The following EYA1 variants were observed in gnomAD, a reference collection of about 807,000 sequenced individuals.
EYA1 encodes protein phosphatase EYA1.
EYA1 carries 16 observed loss-of-function variants against 82.0 expected under a neutral mutation model. The observed-to-expected ratio is 0.20, with a 90% CI of 0.13 to 0.30. The LOEUF is 0.30. EYA1 is among the 10% of genes least tolerant of loss of function. The probability of loss-of-function intolerance (pLI) is 1.00; values close to 1 mark genes in which losing one functional copy is unlikely to be tolerated. For synonymous variants in EYA1, 261 were observed against 264.4 expected (o/e 0.99, Z 0.12); for missense variants, 633 against 730.7 (o/e 0.87, Z 1.54).
chr8:71,320,920 T>C (rs766214835), intron 6 of EYA1, among the ~76,000 whole-genome samples: 116 of 152,170 alleles, frequency 7.6e-4, no homozygotes, highest in Non-Finnish European at 1.2e-3. Context: ...TTCCTCCAAG[T>C]GTCCATGTAC....
At chr8:71,429,473 G>A (rs1805474208) in intron 2 of EYA1, among the ~76,000 whole-genome samples, 1 of 151,944 alleles carries the variant, frequency 6.6e-6, no homozygotes, top group Non-Finnish European at 1.5e-5. Context: ...ACATTGGTAG[G>A]CACCTTGATA....
At chr8:71,479,697 GC>G (rs1220634926) in intron 2 of EYA1, among the ~76,000 whole-genome samples, 4 of 115,084 alleles carry the variant, frequency 3.5e-5, no homozygotes, top group African/African-American at 1.3e-4. Flanking sequence ...TGATATCACA[GC>G]TATAATTCTA....
intron 2 of EYA1, among the ~76,000 whole-genome samples, chr8:71,372,597 G>T (rs1251673561): frequency 6.6e-6 from 1 of 152,102 alleles, no homozygotes; most frequent in African/African-American, 2.4e-5. Context: ...CCCTAGGCAT[G>T]ACAGTCCAGA....
chr8:71,356,283 C>A (rs1826868117), intron 2 of EYA1, among the ~76,000 whole-genome samples, 179 bp downstream of exon 2: 1 of 152,164 alleles, frequency 6.6e-6, no homozygotes, highest in Non-Finnish European at 1.5e-5. Context: ...CAAACCGAGG[C>A]TCCTATTCCC....
intron 2 of EYA1, among the ~76,000 whole-genome samples, chr8:71,454,646 G>C (rs1807721713): frequency 6.6e-6 from 1 of 152,198 alleles, no homozygotes; most frequent in Non-Finnish European, 1.5e-5. Context: ...CATGGAAACA[G>C]AACAACCTGC....
intron 4 of EYA1, 24 bp from the exon 5 acceptor site, chr8:71,322,292 A>C (rs1822660390): frequency 6.3e-7 from 1 of 1,586,710 alleles, no homozygotes; most frequent in Non-Finnish European, 8.7e-7. Context: ...ACAAAACAAA[A>C]TAATGCACAA....
chr8:71,330,590 A>G (rs912568300), intron 4 of EYA1, among the ~76,000 whole-genome samples: 5 of 152,186 alleles, frequency 3.3e-5, no homozygotes, highest in African/African-American at 9.7e-5. Context: ...CATTCATTCA[A>G]TAAACTTTAG....
chr8:71,236,193 G>A (rs552816665), intron 12 of EYA1, among the ~76,000 whole-genome samples: 19 of 152,052 alleles, frequency 1.2e-4, no homozygotes, highest in South Asian at 4.2e-4. Flanking sequence ...ACGCCATCAC[G>A]CCCAGCTAAT....
intron 4 of EYA1, 35 bp from the exon 5 acceptor site, chr8:71,322,303 T>C: frequency 6.4e-7 from 1 of 1,567,414 alleles, no homozygotes; most frequent in Non-Finnish European, 8.8e-7. Flanking sequence ...TAATGCACAA[T>C]AATCCAAGCA....
intron 2 of EYA1, among the ~76,000 whole-genome samples, chr8:71,532,610 A>G (rs540430191): frequency 6.6e-6 from 1 of 152,346 alleles, no homozygotes; most frequent in East Asian, 1.9e-4. Flanking sequence ...AAAAACTTTC[A>G]AGAAGTATTA....
chr8:71,221,607 TTAG>T (rs1809926062), intron 12 of EYA1, among the ~76,000 whole-genome samples: 1 of 152,202 alleles, frequency 6.6e-6, no homozygotes, highest in African/African-American at 2.4e-5. Flanking sequence ...ATACAGGTAG[TTAG>T]CCATGAGCCG....
intron 2 of EYA1, among the ~76,000 whole-genome samples, chr8:71,400,977 C>A (rs1330828517): frequency 1.3e-5 from 2 of 152,108 alleles, no homozygotes; most frequent in East Asian, 1.9e-4. Flanking sequence ...TGAGATCATG[C>A]CCTTTTCAGG....
At chr8:71,237,433 G>A (rs1381354530) in intron 12 of EYA1, among the ~76,000 whole-genome samples, 2 of 152,114 alleles carry the variant, frequency 1.3e-5, no homozygotes, top group Admixed American at 6.5e-5. Flanking sequence ...ATTTCTTAAT[G>A]AATTGCAGTA....
chr8:71,411,673 T>A (rs367904861), intron 2 of EYA1, among the ~76,000 whole-genome samples: 1 of 150,030 alleles, frequency 6.7e-6, no homozygotes, highest in Non-Finnish European at 1.5e-5. Context: ...TCAAAACCAC[T>A]ATGAGATATC....
chr8:71,403,700 A>G (rs1052151787), intron 2 of EYA1: 3 of 152,208 alleles, frequency 2.0e-5, no homozygotes, highest in Non-Finnish European at 2.9e-5. Context: ...AGCCATATCT[A>G]TGAACCCGAG....
At chr8:71,370,035 G>GT (rs1253988945) in intron 2 of EYA1, among the ~76,000 whole-genome samples, 1 of 151,098 alleles carries the variant, frequency 6.6e-6, no homozygotes, top group Non-Finnish European at 1.5e-5. Flanking sequence ...TCAGTTTTAG[G>GT]TTAAAAAAAA....
At chr8:71,403,366 G>A (rs1830055769) in intron 2 of EYA1, 1 of 152,234 alleles carries the variant, frequency 6.6e-6, no homozygotes, top group South Asian at 2.1e-4. Context: ...TCAAGGGGCA[G>A]TGCTGAAGAA....
intron 7 of EYA1, among the ~76,000 whole-genome samples, chr8:71,313,720 A>G (rs187339168): frequency 6.2e-4 from 94 of 152,326 alleles, no homozygotes; most frequent in African/African-American, 2.1e-3. Flanking sequence ...CTGACAGCCA[A>G]TCTTACTCCA....
At chr8:71,427,456 A>G (rs2129156743) in intron 2 of EYA1, among the ~76,000 whole-genome samples, 1 of 152,358 alleles carries the variant, frequency 6.6e-6, no homozygotes, top group African/African-American at 2.4e-5. Flanking sequence ...GAGATGGAAC[A>G]CTTAAGGAAA....
Sources: allele counts gnomAD v4.1 joint callset (sites outside exome capture counted in the v4.1 genomes callset), GRCh38; gene constraint gnomAD v4.1.1; transcripts MANE v1.5; gene names NCBI Gene and HGNC (gene_info 2026-07-23, HGNC 2026-07-21).